The following ARHGEF26 variants were observed in gnomAD, a reference collection of about 807,000 sequenced individuals.
ARHGEF26 encodes the protein Rho guanine nucleotide exchange factor 26.
In ARHGEF26, 59 loss-of-function variants were observed where a neutral mutation model predicts 89.4. The ratio of observed to expected loss-of-function variants is 0.66; its 90% CI spans 0.54 to 0.82. The LOEUF is 0.82. ARHGEF26 is among the 40% of genes least tolerant of loss of function. The probability of loss-of-function intolerance (pLI) is 0.00; values close to 1 mark genes in which losing one functional copy is unlikely to be tolerated. For missense variants in ARHGEF26, 1,234 were observed against 1,085.6 expected (o/e 1.14, Z -1.92); for synonymous variants, 500 against 428.4 (o/e 1.17, Z -2.06).
intron 8 of ARHGEF26, 97 bp from the exon 9 acceptor site, chr3:154,194,547 A>G (rs1714164197): frequency 3.6e-6 from 3 of 828,386 alleles, no homozygotes; most frequent in Non-Finnish European, 5.9e-6. Context: ...CGTGTTTGGC[A>G]TTGTTTGCTA....
At chr3:154,156,642 A>C (rs1229003527) in intron 6 of ARHGEF26, among the ~76,000 whole-genome samples, 4 of 152,190 alleles carry the variant, frequency 2.6e-5, no homozygotes, top group Non-Finnish European at 4.4e-5. Context: ...TTTCAGATAC[A>C]GCCTTTTTGA....
intron 2 of ARHGEF26, among the ~76,000 whole-genome samples, chr3:154,123,630 CAT>C (rs776311131): frequency 1.3e-5 from 2 of 152,186 alleles, no homozygotes; most frequent in Non-Finnish European, 2.9e-5. Context: ...TCACAAAAGA[CAT>C]AAATATTTTG....
At chr3:154,143,105 AT>A (rs1396026572) in intron 4 of ARHGEF26, among the ~76,000 whole-genome samples, 1 of 152,150 alleles carries the variant, frequency 6.6e-6, no homozygotes, top group Non-Finnish European at 1.5e-5. Context: ...TTGAAGTAGT[AT>A]TTTAGTTTTT....
intron 12 of ARHGEF26, among the ~76,000 whole-genome samples, chr3:154,249,145 A>G (rs1445951803): frequency 6.6e-6 from 1 of 152,228 alleles, no homozygotes; most frequent in African/African-American, 2.4e-5. Flanking sequence ...TTTTCTATTG[A>G]GAAATCAGAA....
At chr3:154,133,646 G>C (rs928411024) in intron 4 of ARHGEF26, among the ~76,000 whole-genome samples, 1 of 151,858 alleles carries the variant, frequency 6.6e-6, no homozygotes, top group Non-Finnish European at 1.5e-5. Flanking sequence ...GTAGTGTGAT[G>C]CCTCCGGCTT....
At chr3:154,131,038 C>T (rs1301573294) in intron 4 of ARHGEF26, among the ~76,000 whole-genome samples, 1 of 152,176 alleles carries the variant, frequency 6.6e-6, no homozygotes, top group African/African-American at 2.4e-5. Flanking sequence ...TTCCCACCTC[C>T]TAATTTTGTT....
intron 10 of ARHGEF26, among the ~76,000 whole-genome samples, chr3:154,223,718 A>G (rs1203320936): frequency 6.6e-6 from 1 of 152,190 alleles, no homozygotes; most frequent in Non-Finnish European, 1.5e-5. Context: ...TGCTCAATGC[A>G]TATGGGGTTT....
At chr3:154,225,289 T>A (rs1716414891) in intron 10 of ARHGEF26, among the ~76,000 whole-genome samples, 1 of 152,150 alleles carries the variant, frequency 6.6e-6, no homozygotes, top group Non-Finnish European at 1.5e-5. Context: ...CAAGCTACCA[T>A]GATCTTAAGA....
At chr3:154,221,345 G>T (rs2108253509) in intron 10 of ARHGEF26, among the ~76,000 whole-genome samples, 1 of 152,290 alleles carries the variant, frequency 6.6e-6, no homozygotes, top group Non-Finnish European at 1.5e-5. Context: ...TTTATTGATG[G>T]AATTGGAGAA....
chr3:154,135,424 C>A (rs1041841999), intron 4 of ARHGEF26, among the ~76,000 whole-genome samples: 1 of 152,026 alleles, frequency 6.6e-6, no homozygotes, highest in African/African-American at 2.4e-5. Flanking sequence ...GTGGTAATAT[C>A]CCCCTTGTCC....
intron 6 of ARHGEF26, among the ~76,000 whole-genome samples, chr3:154,183,419 C>T (rs148281266): frequency 2.0e-5 from 3 of 152,264 alleles, no homozygotes; most frequent in African/African-American, 4.8e-5. Context: ...AACTTAAATA[C>T]GTATTTCCAT....
intron 8 of ARHGEF26, 86 bp downstream of exon 8, chr3:154,191,504 T>C (rs1045045783): frequency 1.2e-5 from 18 of 1,464,676 alleles, no homozygotes; most frequent in African/African-American, 5.6e-5. Context: ...TCCACTTAAA[T>C]TGATGCATAT....
At chr3:154,135,189 A>G (rs1471216968) in intron 4 of ARHGEF26, among the ~76,000 whole-genome samples, 5 of 152,118 alleles carry the variant, frequency 3.3e-5, no homozygotes, top group African/African-American at 1.2e-4. Flanking sequence ...GAATTTAGCT[A>G]TGAATCTGCT....
rs373748182 is a variant in ARHGEF26, at chr3:154,184,097, C to T, written c.1488-3588C>T. Reference sequence around the variant, plus strand: ...ACGCCATTCTCCTGCCGCAGCCTCCCGAGTAGCTGGGACTACAGGCGTCTG... The same window carrying T: ...ACGCCATTCTCCTGCCGCAGCCTCCTGAGTAGCTGGGACTACAGGCGTCTG... On this transcript the variant is annotated intron_variant, in intron 6 of 14. Coordinates refer to ENST00000465093, the MANE Select transcript of ARHGEF26 (RefSeq NM_015595.4). Among the ~76,000 whole-genome samples the T allele has an allele frequency of 4.6e-5, 7 of 152,050 alleles. 1 individual carries two copies. Among genetic ancestry groups the T allele is most frequent in the South Asian group, 2.1e-4 (1 of 4,814 alleles).
At chr3:154,233,422 G>GT (rs1716930906) in intron 11 of ARHGEF26, among the ~76,000 whole-genome samples, 2 of 152,144 alleles carry the variant, frequency 1.3e-5, no homozygotes, top group African/African-American at 2.4e-5. Context: ...TAGGAATCAT[G>GT]TTTTTTAGAA....
At chr3:154,152,666 C>A (rs1348165636) in intron 5 of ARHGEF26, 106 bp from the exon 6 acceptor site, 3 of 793,538 alleles carry the variant, frequency 3.8e-6, no homozygotes, top group East Asian at 3.1e-5. Context: ...AGATACTATA[C>A]CTGAAAAGTG....
chr3:154,193,168 C>T (rs927612017), intron 8 of ARHGEF26, among the ~76,000 whole-genome samples: 1 of 152,118 alleles, frequency 6.6e-6, no homozygotes, highest in Non-Finnish European at 1.5e-5. Context: ...TGCCTGCTCT[C>T]AGGGACATAA....
At chr3:154,233,914 G>A (rs918924596) in intron 11 of ARHGEF26, among the ~76,000 whole-genome samples, 2 of 152,202 alleles carry the variant, frequency 1.3e-5, no homozygotes, top group Non-Finnish European at 1.5e-5. Context: ...GGACAGAAAA[G>A]CTATGTGAAT....
At chr3:154,183,497 T>C (rs1386379905) in intron 6 of ARHGEF26, among the ~76,000 whole-genome samples, 3 of 152,218 alleles carry the variant, frequency 2.0e-5, no homozygotes, top group African/African-American at 4.8e-5. Context: ...CAGAATACTT[T>C]TACTTTTGCT....
Sources: gnomAD v4.1 joint callset for allele counts (sites outside exome capture counted in the v4.1 genomes callset) on GRCh38, gnomAD v4.1.1 for gene constraint, MANE v1.5 for transcripts, NCBI Gene and HGNC (gene_info 2026-07-23, HGNC 2026-07-21) for gene names.